The following ACTR3C variants were observed in gnomAD, a reference collection of about 807,000 sequenced individuals.
ACTR3C encodes actin related protein 3C, also known as actin-related protein 3C.
A neutral mutation model predicts 26.3 loss-of-function variants in ACTR3C; 18 were observed. That is an observed-to-expected ratio of 0.68 (90% CI 0.47 to 1.01). The LOEUF (loss-of-function observed/expected upper bound fraction) is 1.01, where lower values mean the gene tolerates loss of function less well. Ranked by LOEUF, ACTR3C falls within the 50% of genes least tolerant of loss-of-function variation. The pLI, the probability that ACTR3C is intolerant of heterozygous loss-of-function variation, is 0.00. For synonymous variants in ACTR3C, 55 were observed against 94.5 expected (o/e 0.58, Z 2.42); for missense variants, 184 against 250.7 (o/e 0.73, Z 1.80).
At chr7:150,135,800 GAAAGAAAGGAAAGAAAGAAAAGAAAAGA>G in the ACTR3C span, among the ~76,000 whole-genome samples, 1 of 139,180 alleles carries the variant, frequency 7.2e-6, no homozygotes, top group Non-Finnish European at 1.6e-5. Context: ...GAAACGAAAC[GAAAGAAAGGAAAGAAAGAAAAGAAAAGA>G]AAAGAAAGGA....
the ACTR3C span, among the ~76,000 whole-genome samples, chr7:150,011,311 G>A: frequency 6.6e-6 from 1 of 151,980 alleles, no homozygotes; most frequent in East Asian, 1.9e-4. Context: ...TGCTGGCTGG[G>A]TGCGGTGGCT....
At chr7:150,101,491 G>A in the ACTR3C span, among the ~76,000 whole-genome samples, 5 of 151,718 alleles carry the variant, frequency 3.3e-5, no homozygotes, top group Admixed American at 6.6e-5. Flanking sequence ...GATACTGCTC[G>A]AGAAGATTGT....
At chr7:149,958,338 A>G in the ACTR3C span, among the ~76,000 whole-genome samples, 2 of 152,096 alleles carry the variant, frequency 1.3e-5, no homozygotes, top group Admixed American at 1.3e-4. Context: ...AGTTCCAGTG[A>G]CGATCTTGAT....
downstream of ACTR3C, chr7:150,246,078 G>A (rs1832449370): frequency 6.6e-6 from 1 of 152,146 alleles, no homozygotes; most frequent in Non-Finnish European, 1.5e-5. Context: ...ACAGTTAATA[G>A]GCAGGAATTG....
At chr7:150,037,044 G>A in the ACTR3C span, among the ~76,000 whole-genome samples, 22 of 106,514 alleles carry the variant, frequency 2.1e-4, no homozygotes, top group East Asian at 5.0e-4. Flanking sequence ...AGAGGGGATA[G>A]CTCTCAGTCC....
the ACTR3C span, chr7:150,047,463 G>C: frequency 1.7e-6 from 1 of 580,606 alleles, no homozygotes; most frequent in Non-Finnish European, 2.2e-6. Flanking sequence ...CTGGCGCCAC[G>C]GAGCCTGTCT....
intron 6 of ACTR3C, among the ~76,000 whole-genome samples, chr7:150,264,155 C>G: frequency 6.6e-6 from 1 of 152,208 alleles, no homozygotes; most frequent in East Asian, 1.9e-4. Context: ...GAAGGGAGGT[C>G]ACAACCCAGC....
the ACTR3C span, among the ~76,000 whole-genome samples, chr7:150,193,366 A>T: frequency 6.9e-6 from 1 of 144,716 alleles, no homozygotes; most frequent in African/African-American, 2.5e-5. Flanking sequence ...AAAAATTACC[A>T]GTTTTCGGTT....
the ACTR3C span, among the ~76,000 whole-genome samples, chr7:149,905,073 C>A: frequency 9.5e-4 from 143 of 150,920 alleles, 1 homozygote; most frequent in African/African-American, 3.4e-3. Flanking sequence ...ATCAAAACCC[C>A]ATTATAATTT....
chr7:150,180,808 C>A, the ACTR3C span, among the ~76,000 whole-genome samples: 1 of 149,116 alleles, frequency 6.7e-6, no homozygotes, highest in Middle Eastern at 3.4e-3. Context: ...CTGTGCCTGG[C>A]CAGTAGTATA....
downstream of ACTR3C, among the ~76,000 whole-genome samples, chr7:150,243,478 AT>A (rs1401813744): frequency 6.6e-6 from 1 of 152,028 alleles, no homozygotes; most frequent in Admixed American, 6.5e-5. Flanking sequence ...TGGAGCAAAG[AT>A]TGAAGTTACT....
chr7:150,206,704 G>A, the ACTR3C span, among the ~76,000 whole-genome samples: 73 of 152,224 alleles, frequency 4.8e-4, no homozygotes, highest in Non-Finnish European at 7.8e-4. Context: ...TTATAGGCGT[G>A]AGCCACCGCA....
the ACTR3C span, among the ~76,000 whole-genome samples, chr7:150,075,294 TTCTC>T: frequency 1.8e-4 from 23 of 124,538 alleles, no homozygotes; most frequent in Admixed American, 3.4e-4. Context: ...AAAGGCAGCA[TTCTC>T]TCTATCACCC....
At chr7:149,918,112 T>C in the ACTR3C span, among the ~76,000 whole-genome samples, 1 of 152,086 alleles carries the variant, frequency 6.6e-6, no homozygotes, top group Non-Finnish European at 1.5e-5. Flanking sequence ...TTAAATATTT[T>C]ATCCAGATCC....
the ACTR3C span, among the ~76,000 whole-genome samples, chr7:150,193,948 T>TAA: frequency 1.1e-4 from 16 of 141,572 alleles, no homozygotes; most frequent in East Asian, 4.0e-4. Flanking sequence ...ATGCCTGCTT[T>TAA]AAAAAAATAT....
the ACTR3C span, among the ~76,000 whole-genome samples, chr7:149,907,478 T>TTCTC: frequency 1.9e-4 from 19 of 97,672 alleles, no homozygotes; most frequent in African/African-American, 3.9e-4. Flanking sequence ...CTCTCTTCTC[T>TTCTC]TCTCTCTCTC....
chr7:150,120,767 G>A, the ACTR3C span, among the ~76,000 whole-genome samples: 1 of 152,092 alleles, frequency 6.6e-6, no homozygotes, highest in African/African-American at 2.4e-5. Flanking sequence ...ACCAAAACCT[G>A]GCAGAGACAC....
At chr7:149,909,957 T>C in the ACTR3C span, among the ~76,000 whole-genome samples, 1 of 148,212 alleles carries the variant, frequency 6.7e-6, no homozygotes, top group East Asian at 2.0e-4. Context: ...TACTAACATA[T>C]AAATTACATT....
chr7:150,240,836 C>T (rs988014606), downstream of ACTR3C, among the ~76,000 whole-genome samples: 2 of 152,044 alleles, frequency 1.3e-5, no homozygotes, highest in South Asian at 2.1e-4. Context: ...AAATAAAGGA[C>T]CAGATCTAAT....
Sources: allele counts gnomAD v4.1 joint callset (sites outside exome capture counted in the v4.1 genomes callset), GRCh38; gene constraint gnomAD v4.1.1; transcripts MANE v1.5; gene names NCBI Gene and HGNC (gene_info 2026-07-23, HGNC 2026-07-21).